The following UBE3A variants were observed in gnomAD, a reference collection of about 807,000 sequenced individuals.
UBE3A encodes the protein ubiquitin protein ligase E3A.
A neutral mutation model predicts 83.4 loss-of-function variants in UBE3A; 6 were observed. The ratio of observed to expected loss-of-function variants is 0.07; its 90% CI spans 0.04 to 0.14. The LOEUF (loss-of-function observed/expected upper bound fraction) is 0.14. UBE3A is among the 10% of genes least tolerant of loss of function. The pLI is 1.00. For missense variants in UBE3A, 456 were observed against 1,036.1 expected, an observed-to-expected ratio of 0.44 and a Z score of 7.69; for synonymous variants, 337 against 355.4, an observed-to-expected ratio of 0.95 and a Z score of 0.58.
intron 6 of UBE3A, among the ~76,000 whole-genome samples, chr15:25,363,659 A>G (rs2078511626): frequency 6.6e-6 from 1 of 152,116 alleles, no homozygotes; most frequent in South Asian, 2.1e-4. Flanking sequence ...TTCAATGACG[A>G]CCAAAAATTT....
At chr15:25,393,161 C>T (rs1033331159) in intron 4 of UBE3A, among the ~76,000 whole-genome samples, 1 of 151,492 alleles carries the variant, frequency 6.6e-6, no homozygotes, top group Non-Finnish European at 1.5e-5. Flanking sequence ...TGTAATAGTC[C>T]GGACAAATAA....
In UBE3A at chr15:25,430,037, AT is replaced by A. The variant is rs956352627; in HGVS notation, c.-165+8451del. ...AAAACAAAAAAAAACCTATATATAT[AT>A]ATATATATATATTTATATGTATTAT... On this transcript the variant is annotated intron_variant, in intron 1 of 12. Coordinates refer to ENST00000648336, the MANE Select transcript of UBE3A (RefSeq NM_130839.5). Among the ~76,000 whole-genome samples the A allele has an allele frequency of 9.7e-5, 11 of 113,194 alleles. 1 individual carries two copies. In the Admixed American group the frequency reaches 1.1e-3, roughly 11 times the overall value. 74.3% of individuals were successfully genotyped at this position (113,194 alleles called of 152,430 possible).
chr15:25,377,880 C>T (rs922163489), intron 4 of UBE3A, among the ~76,000 whole-genome samples: 8 of 152,124 alleles, frequency 5.3e-5, no homozygotes, highest in Non-Finnish European at 1.2e-4. Flanking sequence ...TGATATATCA[C>T]TAACTGACAA....
chr15:25,429,857 T>A (rs1596483203), intron 1 of UBE3A, among the ~76,000 whole-genome samples: 1 of 149,102 alleles, frequency 6.7e-6, no homozygotes, highest in South Asian at 2.1e-4. Context: ...ATACAAAAAT[T>A]AGCCGGGCGT....
At chr15:25,376,614 C>A (rs2081264389) in intron 4 of UBE3A, among the ~76,000 whole-genome samples, 1 of 152,102 alleles carries the variant, frequency 6.6e-6, no homozygotes. Flanking sequence ...TGCACTCCAG[C>A]CTGGGCAACA....
chr15:25,379,081 CG>C (rs1386438056), intron 4 of UBE3A, among the ~76,000 whole-genome samples: 5 of 152,066 alleles, frequency 3.3e-5, no homozygotes, highest in Non-Finnish European at 7.4e-5. Context: ...TCTTTCTGGA[CG>C]TAAGTTTCCT....
intron 6 of UBE3A, among the ~76,000 whole-genome samples, chr15:25,361,532 C>T (rs1395226161): frequency 6.6e-6 from 1 of 151,912 alleles, no homozygotes; most frequent in African/African-American, 2.4e-5. Flanking sequence ...TATACAGTAA[C>T]CTCATTGAGA....
intron 5 of UBE3A, chr15:25,373,788 A>T (rs1255545806): frequency 1.3e-5 from 2 of 152,124 alleles, no homozygotes; most frequent in Admixed American, 6.5e-5. Flanking sequence ...GTAGTGTTTA[A>T]TATGTTAAAC....
Position 25,337,055 on chromosome 15 carries a change from G to T in UBE3A, c.*2082C>A, listed in dbSNP as rs889085062. ...AGAGCAGCTATTCTGTGCAACCGAC[G>T]ATTTTTTTTCTCTAAAATTTTAAGG... On this transcript the variant is annotated 3_prime_UTR_variant, in exon 13 of 13. Transcript: ENST00000648336. 6.6e-6 allele frequency: 1 copy of T among 151,992 alleles called. No individual in the cohort carries two copies. The highest frequency in any genetic ancestry group is 1.5e-5 in the Non-Finnish European group (1 of 67,982). 9.4% of individuals were successfully genotyped at this position (151,992 alleles called of 1,614,324 possible). A position where few individuals can be genotyped will look rare whatever the true frequency, so the allele number is the denominator to read the frequency against.
intron 5 of UBE3A, among the ~76,000 whole-genome samples, chr15:25,372,649 A>G (rs1466201000): frequency 1.3e-5 from 2 of 152,176 alleles, no homozygotes; most frequent in Non-Finnish European, 2.9e-5. Context: ...CTTCTGGCTA[A>G]TAGGATGAAA....
chr15:25,353,138 C>T (rs942735519), intron 11 of UBE3A, among the ~76,000 whole-genome samples: 1 of 152,068 alleles, frequency 6.6e-6, no homozygotes, highest in Non-Finnish European at 1.5e-5. Flanking sequence ...TTTTTCCTAT[C>T]ACCATGTTAT....
chr15:25,339,104 C>G lies in UBE3A; in HGVS notation c.*33G>C. Reference sequence around the variant, plus strand: ...TTAAATTTTTTCTTTTTTTTTCCTTCCTTTTTTTTGTTTTATTTTGTTTTG... The same window carrying G: ...TTAAATTTTTTCTTTTTTTTTCCTTGCTTTTTTTTGTTTTATTTTGTTTTG... On this transcript the variant is annotated 3_prime_UTR_variant, in exon 13 of 13. Transcript: ENST00000648336. 1 of 1,437,944 alleles carries G rather than the reference C, an allele frequency of 7.0e-7. No homozygotes were observed. Among genetic ancestry groups the G allele is most frequent in the Non-Finnish European group, 9.2e-7 (1 of 1,086,662 alleles). 89.1% of individuals were successfully genotyped at this position (1,437,944 alleles called of 1,614,324 possible).
In UBE3A at chr15:25,337,689, A is replaced by C. The variant is rs1566807291; in HGVS notation, c.*1448T>G. On this transcript the variant is annotated 3_prime_UTR_variant, in exon 13 of 13. Coordinates refer to ENST00000648336, the MANE Select transcript of UBE3A (RefSeq NM_130839.5). Reference sequence around the variant, plus strand: ...CAGTAATCAGTTAAAACAATCAGTCAATCAATCAATCAATCACCAAGGCAC... The same window carrying C: ...CAGTAATCAGTTAAAACAATCAGTCCATCAATCAATCAATCACCAAGGCAC... 1 of 152,044 alleles carries C rather than the reference A, an allele frequency of 6.6e-6. No homozygotes were observed. Among genetic ancestry groups the C allele is most frequent in the Non-Finnish European group, 1.5e-5 (1 of 67,952 alleles). The allele number at this position is 152,044 out of a possible 1,614,324, so 9.4% of individuals were successfully genotyped here.
chr15:25,363,684 T>C, intron 6 of UBE3A, among the ~76,000 whole-genome samples: 1 of 152,284 alleles, frequency 6.6e-6, no homozygotes, highest in Non-Finnish European at 1.5e-5. Context: ...TTTAGGATTA[T>C]GAGTGATTTT....
chr15:25,428,271 A>T (rs1005867198), intron 1 of UBE3A, among the ~76,000 whole-genome samples: 8 of 152,234 alleles, frequency 5.3e-5, no homozygotes, highest in African/African-American at 1.9e-4. Context: ...TGGAACAACT[A>T]GCTTTTCATA....
In UBE3A at chr15:25,340,066, C is replaced by G. The variant is rs753187955; in HGVS notation, c.2498+19G>C. ...AAGGTTTTCGGTAGGTATACAGTCA[C>G]AAGTTAATAATTACCTACCTTTCTG... On this transcript the variant is annotated intron_variant, in intron 12 of 12. Transcript: ENST00000648336. 12 of 1,613,782 alleles carry G rather than the reference C, an allele frequency of 7.4e-6. No individual in the cohort carries two copies. Among genetic ancestry groups the G allele is most frequent in the Admixed American group, 1.7e-5 (1 of 60,000 alleles).
intron 11 of UBE3A, among the ~76,000 whole-genome samples, chr15:25,350,720 G>A (rs369994125): frequency 2.4e-4 from 37 of 152,098 alleles, no homozygotes; most frequent in African/African-American, 7.7e-4. Flanking sequence ...AACACTTTGC[G>A]TATTCATATA....
intron 4 of UBE3A, among the ~76,000 whole-genome samples, chr15:25,403,295 A>G (rs2087627744): frequency 6.6e-6 from 1 of 152,190 alleles, no homozygotes; most frequent in Admixed American, 6.5e-5. Flanking sequence ...TAGCTTCCTA[A>G]GTTTTCAGTC....
Position 25,335,846 on chromosome 15 carries a change from C to G in UBE3A, c.*3291G>C, listed in dbSNP as rs922200714. The G allele has an allele frequency of 6.6e-6, 1 of 152,032 alleles. No homozygotes were observed. The highest frequency in any genetic ancestry group is 1.5e-5 in the Non-Finnish European group (1 of 68,022). 9.4% of individuals were successfully genotyped at this position (152,032 alleles called of 1,614,324 possible). On this transcript the variant is annotated 3_prime_UTR_variant, in exon 13 of 13. Coordinates refer to ENST00000648336, the MANE Select transcript of UBE3A (RefSeq NM_130839.5). ...CTTTAAGCAGAATTGGAGGAGTATCCATCTAAAATCTGGGTAAACTGGGAT... is the reference window on the plus strand; with the variant it reads ...CTTTAAGCAGAATTGGAGGAGTATCGATCTAAAATCTGGGTAAACTGGGAT...
Sources: allele counts gnomAD v4.1 joint callset (sites outside exome capture counted in the v4.1 genomes callset), GRCh38; gene constraint gnomAD v4.1.1; transcripts MANE v1.5; gene names NCBI Gene and HGNC (gene_info 2026-07-23, HGNC 2026-07-21).